Variants in DLGAP2 observed in about 807,000 individuals in gnomAD.
DLGAP2 encodes the protein disks large-associated protein 2.
Under a neutral mutation model 100.3 loss-of-function variants are expected in DLGAP2, and 26 were observed. The ratio of observed to expected loss-of-function variants is 0.26; its 90% confidence interval spans 0.19 to 0.36. DLGAP2 has a LOEUF of 0.36. Among genes scored for constraint, DLGAP2 ranks in the 10% least tolerant of loss-of-function variants. The pLI, the probability that DLGAP2 is intolerant of heterozygous loss-of-function variation, is 1.00. For missense variants in DLGAP2, 1,858 were observed against 1,453.2 expected, an observed-to-expected ratio of 1.28 and a Z score of -4.53; for synonymous variants, 886 against 630.1, an observed-to-expected ratio of 1.41 and a Z score of -6.08.
intron 2 of DLGAP2, among the ~76,000 whole-genome samples, chr8:1,051,005 TGTG>T (rs1195314744): frequency 2.2e-5 from 2 of 90,910 alleles, no homozygotes; most frequent in East Asian, 6.7e-4. Flanking sequence ...GGAGTCATTT[TGTG>T]GTGGGTCATT....
intron 2 of DLGAP2, among the ~76,000 whole-genome samples, chr8:951,786 G>T (rs559496769): frequency 6.6e-6 from 1 of 152,304 alleles, no homozygotes; most frequent in Admixed American, 6.5e-5. Flanking sequence ...TTTTAAAGGA[G>T]GAGAGTAACT....
intron 3 of DLGAP2, among the ~76,000 whole-genome samples, chr8:1,425,317 G>T (rs1797208221): frequency 6.6e-6 from 1 of 152,166 alleles, no homozygotes; most frequent in Non-Finnish European, 1.5e-5. Context: ...ATAAAAGCAT[G>T]TGCTTGATCT....
At chr8:782,847 G>A (rs990285941) in intron 1 of DLGAP2, among the ~76,000 whole-genome samples, 1 of 152,114 alleles carries the variant, frequency 6.6e-6, no homozygotes, top group Non-Finnish European at 1.5e-5. Flanking sequence ...GCCCTCTTCC[G>A]CGTCTGCTGT....
intron 1 of DLGAP2, among the ~76,000 whole-genome samples, chr8:835,091 T>A (rs1248125623): frequency 6.6e-6 from 1 of 152,148 alleles, no homozygotes; most frequent in Non-Finnish European, 1.5e-5. Flanking sequence ...GCACGTGTGT[T>A]AATGTGCATG....
rs551470634 is a variant in DLGAP2, at chr8:1,661,072, A to G, written c.1811-7257A>G. On this transcript the variant is annotated intron_variant, in intron 8 of 14. Coordinates refer to ENST00000637795, the MANE Select transcript of DLGAP2 (RefSeq NM_001346810.2). ...CTAGGGGACAAATCCATGTAAAGAC[A>G]GCAGTGACTGGCAGTTCACAAGTGT... Among the ~76,000 whole-genome samples the G allele has an allele frequency of 2.0e-5, 3 of 152,366 alleles. No individual in the cohort carries two copies. The East Asian group carries it at 5.8e-4, about 29-fold the overall frequency.
intron 3 of DLGAP2, among the ~76,000 whole-genome samples, chr8:1,438,894 T>C (rs912250630): frequency 6.6e-6 from 1 of 152,212 alleles, no homozygotes; most frequent in African/African-American, 2.4e-5. Context: ...ACCTTCTCCT[T>C]CATTTTTTTT....
At chr8:1,653,213 G>A (rs1461310578) in intron 8 of DLGAP2, among the ~76,000 whole-genome samples, 3 of 151,608 alleles carry the variant, frequency 2.0e-5, no homozygotes, top group Non-Finnish European at 2.9e-5. Context: ...CCACGCAGAT[G>A]CTGCCAGGCC....
At chr8:960,285 G>C (rs973234406) in intron 2 of DLGAP2, among the ~76,000 whole-genome samples, 3 of 110,572 alleles carry the variant, frequency 2.7e-5, no homozygotes, top group Non-Finnish European at 5.0e-5. Context: ...GTCCATGCTG[G>C]AGTGAAGTGG....
Position 1,043,637 on chromosome 8 carries a change from A to C in DLGAP2, c.73+135671A>C, listed in dbSNP as rs117920913. The stretch of plus-strand genomic sequence containing the variant: ...CAGTGGGGAAGGGGGATGAAGGGGG[A>C]ACATGAGCTGTGCTGCCTTTTCAGG... On this transcript the variant is annotated intron_variant, in intron 2 of 14. Coordinates refer to ENST00000637795, the MANE Select transcript of DLGAP2 (RefSeq NM_001346810.2). Among the ~76,000 whole-genome samples the C allele has an allele frequency of 7.7e-3, 1,168 of 151,962 alleles. 13 individuals are homozygous for C. The highest frequency in any genetic ancestry group is 0.015 in the Admixed American group (225 of 15,262).
chr8:1,315,334 A>G lies in DLGAP2; in HGVS notation c.106+56451A>G, dbSNP rs1241240312. 3.8e-3 allele frequency among the ~76,000 whole-genome samples: 535 copies of G among 139,454 alleles called. 1 individual carries two copies. Among genetic ancestry groups the G allele is most frequent in the Middle Eastern group, 0.02 (5 of 254 alleles). 91.5% of individuals were successfully genotyped at this position (139,454 alleles called of 152,430 possible). On this transcript the variant is annotated intron_variant, in intron 3 of 14. Coordinates refer to ENST00000637795, the MANE Select transcript of DLGAP2 (RefSeq NM_001346810.2). ...TCCAACATTGGTCTACACTCGAGAA[A>G]CTCGGCAGCGTTTAAAAATAGAGCC...
At chr8:1,539,605 A>T (rs6996306) in intron 4 of DLGAP2, among the ~76,000 whole-genome samples, 1 of 151,770 alleles carries the variant, frequency 6.6e-6, no homozygotes, top group African/African-American at 2.4e-5. Context: ...CTCCCTCTCC[A>T]GGCCCCACTT....
At chr8:749,942 G>T (rs910021658) in intron 1 of DLGAP2, among the ~76,000 whole-genome samples, 4 of 152,130 alleles carry the variant, frequency 2.6e-5, no homozygotes, top group African/African-American at 7.2e-5. Flanking sequence ...CTGTCTCCAC[G>T]TGGCCTCCTC....
chr8:1,682,062 C>T (rs1798964931), intron 12 of DLGAP2, among the ~76,000 whole-genome samples: 1 of 152,224 alleles, frequency 6.6e-6, no homozygotes, highest in Non-Finnish European at 1.5e-5. Context: ...GCACCCCCTC[C>T]ACTGCCTGCT....
chr8:1,510,536 G>A (rs981366639), intron 4 of DLGAP2, among the ~76,000 whole-genome samples: 12 of 152,340 alleles, frequency 7.9e-5, no homozygotes, highest in African/African-American at 2.9e-4. Context: ...GACAAGGAAA[G>A]GAACTGCCTC....
chr8:1,350,797 AGTGTG>A (rs1801701303), intron 3 of DLGAP2, among the ~76,000 whole-genome samples: 1 of 48,684 alleles, frequency 2.1e-5, no homozygotes, highest in Non-Finnish European at 4.0e-5. Flanking sequence ...GCGGGTCCTG[AGTGTG>A]CGTGGAAAGG....
chr8:1,364,730 C>T (rs143378474), intron 3 of DLGAP2, among the ~76,000 whole-genome samples: 1 of 152,338 alleles, frequency 6.6e-6, no homozygotes, highest in Non-Finnish European at 1.5e-5. Flanking sequence ...CAGGCCCGAA[C>T]TCAGCCAGAG....
At chr8:896,711 C>T (rs754057646) in intron 1 of DLGAP2, among the ~76,000 whole-genome samples, 4 of 152,064 alleles carry the variant, frequency 2.6e-5, no homozygotes, top group Non-Finnish European at 5.9e-5. Flanking sequence ...CATCTGAGCC[C>T]GGAAGTGGGT....
chr8:1,351,962 G>T (rs1282936381), intron 3 of DLGAP2, among the ~76,000 whole-genome samples: 2 of 63,988 alleles, frequency 3.1e-5, no homozygotes, highest in Admixed American at 4.3e-4. Context: ...CGGGTCCTGA[G>T]TGTGTGTGGA....
At chr8:1,322,704 G>T (rs1800933689) in intron 3 of DLGAP2, among the ~76,000 whole-genome samples, 1 of 152,226 alleles carries the variant, frequency 6.6e-6, no homozygotes, top group Admixed American at 6.5e-5. Flanking sequence ...CTTCACACAT[G>T]TTGTTCCTTC....
Sources: gnomAD v4.1 joint callset for allele counts (sites outside exome capture counted in the v4.1 genomes callset) on GRCh38, gnomAD v4.1.1 for gene constraint, MANE v1.5 for transcripts, NCBI Gene and HGNC (gene_info 2026-07-23, HGNC 2026-07-21) for gene names.